Variants in ZBTB16 observed in about 807,000 individuals in gnomAD.
The protein encoded by ZBTB16 is zinc finger and BTB domain-containing protein 16.
ZBTB16 carries 8 observed loss-of-function variants against 56.8 expected under a neutral mutation model. The observed-to-expected ratio is 0.14, with a 90% CI of 0.08 to 0.25. ZBTB16 has a LOEUF of 0.25. Among genes scored for constraint, ZBTB16 ranks in the 10% least tolerant of loss-of-function variants. The pLI is 1.00. For missense variants in ZBTB16, 625 were observed against 903.0 expected, an observed-to-expected ratio of 0.69 and a Z score of 3.95; for synonymous variants, 363 against 368.5, an observed-to-expected ratio of 0.98 and a Z score of 0.17.
intron 2 of ZBTB16, among the ~76,000 whole-genome samples, chr11:114,105,010 C>T (rs1261592730): frequency 6.6e-6 from 1 of 152,164 alleles, no homozygotes; most frequent in East Asian, 1.9e-4. Context: ...AGCTACTTAA[C>T]CCCTCGCCAC....
At chr11:114,161,225 C>T (rs1942581367) in intron 3 of ZBTB16, among the ~76,000 whole-genome samples, 1 of 152,136 alleles carries the variant, frequency 6.6e-6, no homozygotes, top group African/African-American at 2.4e-5. Context: ...GGCTTAACGT[C>T]CTGGTGGCTT....
chr11:114,216,489 G>C (rs955021223), intron 4 of ZBTB16, among the ~76,000 whole-genome samples: 1 of 152,146 alleles, frequency 6.6e-6, no homozygotes, highest in South Asian at 2.1e-4. Flanking sequence ...CAGGGGGAGG[G>C]GCTGCTGCAC....
At chr11:114,074,601 C>G (rs1939472150) in intron 2 of ZBTB16, among the ~76,000 whole-genome samples, 1 of 152,210 alleles carries the variant, frequency 6.6e-6, no homozygotes, top group African/African-American at 2.4e-5. Flanking sequence ...GCTCTTGTTT[C>G]TTGCCGATGT....
intron 2 of ZBTB16, among the ~76,000 whole-genome samples, chr11:114,100,892 C>T (rs1292793256): frequency 3.9e-5 from 6 of 151,924 alleles, no homozygotes; most frequent in Admixed American, 1.3e-4. Context: ...TAGACAGCCC[C>T]TAGTATGGTG....
chr11:114,076,641 C>T (rs1939577970), intron 2 of ZBTB16, among the ~76,000 whole-genome samples: 1 of 150,274 alleles, frequency 6.7e-6, no homozygotes, highest in South Asian at 2.2e-4. Flanking sequence ...CACCCCCGCC[C>T]CCTTGGCAGA....
At chr11:114,133,440 C>T (rs1941717842) in intron 2 of ZBTB16, among the ~76,000 whole-genome samples, 1 of 152,106 alleles carries the variant, frequency 6.6e-6, no homozygotes, top group East Asian at 1.9e-4. Context: ...TGGAGGTGGC[C>T]CAACCTCTCC....
chr11:114,188,951 C>T (rs1013620693), intron 4 of ZBTB16: 30 of 152,160 alleles, frequency 2.0e-4, no homozygotes, highest in African/African-American at 7.2e-4. Context: ...GGAAGAATGT[C>T]TAAGCAAAGG....
In ZBTB16 at chr11:114,237,493, G is replaced by A. The variant is rs559864458; in HGVS notation, c.1454-4674G>A. On this transcript the variant is annotated intron_variant, in intron 4 of 6. Coordinates refer to ENST00000335953, the MANE Select transcript of ZBTB16 (RefSeq NM_006006.6). Reference sequence around the variant, plus strand: ...CTGACGTCTCTCCATAGCAGAGGACGGAACCCAGGCGTTGAAGGGAGCAGA... The same window carrying A: ...CTGACGTCTCTCCATAGCAGAGGACAGAACCCAGGCGTTGAAGGGAGCAGA... Among the ~76,000 whole-genome samples the A allele has an allele frequency of 9.8e-5, 15 of 152,316 alleles. No individual in the cohort carries two copies. The South Asian group carries it at 2.7e-3, about 27-fold the overall frequency.
At chr11:114,138,857 A>G (rs1051864891) in intron 2 of ZBTB16, among the ~76,000 whole-genome samples, 8 of 151,494 alleles carry the variant, frequency 5.3e-5, no homozygotes, top group Non-Finnish European at 8.8e-5. Context: ...TGCCCAGCTA[A>G]TTTTTGTATT....
chr11:114,156,929 G>T (rs1942429111), intron 3 of ZBTB16, among the ~76,000 whole-genome samples: 1 of 152,132 alleles, frequency 6.6e-6, no homozygotes, highest in African/African-American at 2.4e-5. Context: ...GGGCAAAGCT[G>T]CTCTGCCCCA....
Position 114,060,593 on chromosome 11 carries a change from C to G in ZBTB16, c.-91+711C>G, listed in dbSNP as rs1005355810. The G allele has an allele frequency of 6.6e-6, 1 of 150,662 alleles. No individual in the cohort carries two copies. The highest frequency in any genetic ancestry group is 2.4e-5 in the African/African-American group (1 of 40,886). The allele number at this position is 150,662 out of a possible 1,614,324, so 9.3% of individuals were successfully genotyped here. A position where few individuals can be genotyped will look rare whatever the true frequency, so the allele number is the denominator to read the frequency against. On this transcript the variant is annotated intron_variant, in intron 1 of 6. Transcript: ENST00000335953. This position sits in a 1 kb window ranked among gnomAD's most constrained non-coding sequence, Gnocchi z 6.0. ...GCTCCCGGCCGCTCTCGGTGGGTGC[C>G]GGTCTCTGCACCTGATGCGTTCGGG...
intron 2 of ZBTB16, among the ~76,000 whole-genome samples, chr11:114,139,504 C>T (rs1941886970): frequency 6.6e-6 from 1 of 152,004 alleles, no homozygotes; most frequent in African/African-American, 2.4e-5. Context: ...TTCATCTGCT[C>T]CCCCACTGCT....
At chr11:114,086,474 CGTTTGA>C (rs978183073) in intron 2 of ZBTB16, among the ~76,000 whole-genome samples, 5 of 152,146 alleles carry the variant, frequency 3.3e-5, no homozygotes, top group African/African-American at 1.2e-4. Context: ...TCTGCTGCCT[CGTTTGA>C]GTTTAAGTTT....
intron 4 of ZBTB16, among the ~76,000 whole-genome samples, chr11:114,195,262 T>C (rs1591770311): frequency 6.6e-6 from 1 of 151,566 alleles, no homozygotes; most frequent in African/African-American, 2.4e-5. Context: ...AAATGGGAGG[T>C]CTGAGCAAAG....
intron 4 of ZBTB16, among the ~76,000 whole-genome samples, chr11:114,235,167 C>T (rs912905683): frequency 6.6e-6 from 1 of 152,124 alleles, no homozygotes; most frequent in African/African-American, 2.4e-5. Flanking sequence ...GCAGTCCTTC[C>T]TTTGTTGGGT....
chr11:114,062,116 T>TTTTC (rs1164348007), intron 1 of ZBTB16, among the ~76,000 whole-genome samples: 5 of 151,778 alleles, frequency 3.3e-5, no homozygotes, highest in Non-Finnish European at 7.4e-5. Flanking sequence ...TTTTTTTTTT[T>TTTTC]TTCTGAGACG....
At chr11:114,095,150 C>T (rs1468807441) in intron 2 of ZBTB16, among the ~76,000 whole-genome samples, 2 of 151,836 alleles carry the variant, frequency 1.3e-5, no homozygotes, top group Admixed American at 6.6e-5. Flanking sequence ...TGCACGTGCA[C>T]GCGCCCTGCA....
At chr11:114,165,572 G>T (rs1942725148) in intron 3 of ZBTB16, among the ~76,000 whole-genome samples, 1 of 152,236 alleles carries the variant, frequency 6.6e-6, no homozygotes, top group East Asian at 1.9e-4. Context: ...GTACTACTAG[G>T]GCAGATCTGG....
chr11:114,084,283 G>C (rs140492382), intron 2 of ZBTB16, among the ~76,000 whole-genome samples: 561 of 152,250 alleles, frequency 3.7e-3, no homozygotes, highest in African/African-American at 0.013. Context: ...CATGCCCACT[G>C]TAGGGGTCTG....
Sources: allele counts gnomAD v4.1 joint callset (sites outside exome capture counted in the v4.1 genomes callset), GRCh38; gene constraint gnomAD v4.1.1; non-coding constraint Gnocchi (gnomAD v3.1); transcripts MANE v1.5; gene names NCBI Gene and HGNC (gene_info 2026-07-23, HGNC 2026-07-21).